Variants in ERMP1 observed in about 807,000 individuals in gnomAD.
ERMP1 encodes the protein Felix-ina.
A neutral mutation model predicts 92.0 loss-of-function variants in ERMP1; 86 were observed. The observed-to-expected ratio is 0.93, with a 90% confidence interval of 0.79 to 1.12. ERMP1 has a LOEUF of 1.12. Ranked by LOEUF, ERMP1 falls within the 50% of genes most tolerant of loss-of-function variation. The probability of loss-of-function intolerance (pLI) is 0.00; values close to 1 mark genes in which losing one functional copy is unlikely to be tolerated. For synonymous variants in ERMP1, 530 were observed against 412.8 expected (o/e 1.28, Z -3.44); for missense variants, 1,342 against 1,116.3 (o/e 1.20, Z -2.88).
At position 5,805,172 on chromosome 9, in the gene ERMP1, A is replaced by C. The variant is rs750893707; in HGVS notation, c.1769T>G (p.Ile590Ser). The C allele has an allele frequency of 6.2e-7, 1 of 1,612,666 alleles. No individual in the cohort carries two copies. Among genetic ancestry groups the C allele is most frequent in the Non-Finnish European group, 8.5e-7 (1 of 1,179,682 alleles). ...GAGGTACAATGCATAAAGATAAGGA[A>C]TAAACATCCCCAAAAGGTAAAAAGC... ...FIAFYLLGMF[I>S]PYLYALYLIW... Residue 590 changes from isoleucine (I) to serine (S), a missense_variant, in exon 10 of 15, where the codon ATT becomes AGT. By Grantham distance (142) the Ile-to-Ser change is moderately radical. Transcript: ENST00000339450.
intron 6 of ERMP1, among the ~76,000 whole-genome samples, chr9:5,842,023 G>A (rs1199354892): frequency 1.3e-5 from 2 of 151,774 alleles, no homozygotes; most frequent in African/African-American, 4.9e-5. Context: ...TAAAGCTGCA[G>A]ACACAGACCT....
intron 6 of ERMP1, among the ~76,000 whole-genome samples, chr9:5,847,688 G>A (rs1197690307): frequency 1.3e-5 from 2 of 152,088 alleles, no homozygotes; most frequent in Non-Finnish European, 2.9e-5. Flanking sequence ...GAGGTCAAGA[G>A]ATCGAGACCA....
intron 11 of ERMP1, among the ~76,000 whole-genome samples, chr9:5,800,213 AGG>A (rs936136996): frequency 2.6e-5 from 4 of 152,232 alleles, no homozygotes; most frequent in Non-Finnish European, 5.9e-5. Context: ...AACATGAGAA[AGG>A]GATGGGTATA....
intron 5 of ERMP1, among the ~76,000 whole-genome samples, chr9:5,866,234 T>C (rs577947093): frequency 3.9e-5 from 6 of 152,350 alleles, no homozygotes; most frequent in East Asian, 1.9e-4. Flanking sequence ...TTTGTAGAAC[T>C]ATTACTAGTT....
At chr9:5,819,862 G>T (rs1319701685) in intron 4 of ERMP1, among the ~76,000 whole-genome samples, 2 of 152,218 alleles carry the variant, frequency 1.3e-5, no homozygotes, top group Non-Finnish European at 2.9e-5. Context: ...GTTGCCTAGG[G>T]ATGGGGGAAA....
chr9:5,801,520 C>T (rs558246616), intron 10 of ERMP1, among the ~76,000 whole-genome samples, 192 bp from the exon 11 acceptor site: 1 of 152,086 alleles, frequency 6.6e-6, no homozygotes, highest in South Asian at 2.1e-4. Flanking sequence ...AGGTGAGAAC[C>T]TAGAAAATGA....
Position 5,785,585 on chromosome 9 carries a change from G to C in ERMP1, c.*1559C>G, listed in dbSNP as rs1827902896. 6.6e-6 allele frequency: 1 copy of C among 152,550 alleles called. No homozygotes were observed. Among genetic ancestry groups the C allele is most frequent in the Non-Finnish European group, 1.5e-5 (1 of 68,058 alleles). The allele number at this position is 152,550 out of a possible 1,614,324, so 9.4% of individuals were successfully genotyped here. A position where few individuals can be genotyped will look rare whatever the true frequency, so the allele number is the denominator to read the frequency against. On this transcript the variant is annotated 3_prime_UTR_variant, in exon 15 of 15. Transcript: ENST00000339450. ...CATGGGCCCAGTTAGTTTTTAGGGA[G>C]TCACAGATTAGGCAGGCAACGAGGG... is the stretch of plus-strand genomic sequence containing the variant.
At chr9:5,789,847 CTT>C (rs35893609) in intron 13 of ERMP1, among the ~76,000 whole-genome samples, 7 of 136,620 alleles carry the variant, frequency 5.1e-5, no homozygotes, top group Non-Finnish European at 3.1e-5. Flanking sequence ...CAAACCTGGC[CTT>C]TTTTTTTTTT....
chr9:5,840,838 G>A (rs1830154652), intron 6 of ERMP1, among the ~76,000 whole-genome samples: 1 of 152,218 alleles, frequency 6.6e-6, no homozygotes, highest in South Asian at 2.1e-4. Flanking sequence ...ACCTTCATTT[G>A]CATGGCATTA....
At chr9:5,865,652 T>C (rs1373766888) in intron 5 of ERMP1, among the ~76,000 whole-genome samples, 1 of 150,216 alleles carries the variant, frequency 6.7e-6, no homozygotes, top group African/African-American at 2.4e-5. Flanking sequence ...GGCCAACAGG[T>C]CTCTACTAAA....
Position 5,806,710 on chromosome 9 carries a change from G to A in ERMP1, c.1549-925C>T, listed in dbSNP as rs532358664. ...CCACCTCAGCCTCCCAAAGCACTGG[G>A]ATTACAGGTGTGAGCCACTGTGCCT... On this transcript the variant is annotated intron_variant, in intron 8 of 14. Coordinates refer to ENST00000339450, the MANE Select transcript of ERMP1 (RefSeq NM_024896.3). Among the ~76,000 whole-genome samples, 7 of 152,254 alleles carry A rather than the reference G, an allele frequency of 4.6e-5. No individual in the cohort carries two copies. The East Asian group carries it at 1.3e-3, about 29-fold the overall frequency.
At chr9:5,856,100 A>T in intron 6 of ERMP1, 1 of 374,602 alleles carries the variant, frequency 2.7e-6, no homozygotes. Context: ...AAGTGTTTCG[A>T]ATGGAATCTT....
chr9:5,832,772 TC>T lies in ERMP1; in HGVS notation c.255del (p.Thr86ArgfsTer34). ...TGCTGCAGCGAGAGCTGCACCAGCGTCCGCAGCGCGATCAGGTAGAGCGCGA... is the reference window on the plus strand; with the variant it reads ...TGCTGCAGCGAGAGCTGCACCAGCGTCGCAGCGCGATCAGGTAGAGCGCGA... The part of the protein sequence containing the change: ...LGLALYLIAL[R>X]TLVQLSLQQL... On this transcript the variant is annotated frameshift_variant, in exon 1 of 15. Coordinates refer to ENST00000339450, the MANE Select transcript of ERMP1 (RefSeq NM_024896.3). LOFTEE classifies it high-confidence loss of function. The T allele has an allele frequency of 6.7e-7, 1 of 1,499,414 alleles. No individual in the cohort carries two copies. Among genetic ancestry groups the T allele is most frequent in the Non-Finnish European group, 8.8e-7 (1 of 1,132,550 alleles). The allele number at this position is 1,499,414 out of a possible 1,614,324, so 92.9% of individuals were successfully genotyped here.
chr9:5,815,414 T>A (rs941169549), intron 4 of ERMP1, among the ~76,000 whole-genome samples: 9 of 148,406 alleles, frequency 6.1e-5, no homozygotes, highest in African/African-American at 2.3e-4. Flanking sequence ...TGGCCTAAAC[T>A]GGGACAATTC....
At chr9:5,819,119 A>C (rs1200513386) in intron 4 of ERMP1, among the ~76,000 whole-genome samples, 1 of 152,260 alleles carries the variant, frequency 6.6e-6, no homozygotes, top group Non-Finnish European at 1.5e-5. Flanking sequence ...TTACACATGA[A>C]TGTTTACTCC....
intron 4 of ERMP1, among the ~76,000 whole-genome samples, chr9:5,821,110 A>C (rs907056604): frequency 9.2e-5 from 14 of 152,274 alleles, no homozygotes; most frequent in African/African-American, 3.4e-4. Flanking sequence ...TGGGGATTTC[A>C]GAACAAGTAA....
At chr9:5,792,869 C>G (rs919276666) in intron 13 of ERMP1, among the ~76,000 whole-genome samples, 2 of 152,046 alleles carry the variant, frequency 1.3e-5, no homozygotes, top group African/African-American at 2.4e-5. Flanking sequence ...ATACAATGCT[C>G]AATTAAAACC....
chr9:5,857,127 TC>T (rs1830384759), intron 6 of ERMP1, among the ~76,000 whole-genome samples: 1 of 152,116 alleles, frequency 6.6e-6, no homozygotes. Context: ...GCTCAAGCCA[TC>T]CTCCCACCTC....
intron 4 of ERMP1, among the ~76,000 whole-genome samples, chr9:5,818,962 T>C (rs1829424695): frequency 1.3e-5 from 2 of 152,250 alleles, no homozygotes; most frequent in Admixed American, 1.3e-4. Context: ...TAAAAATCCT[T>C]ACTGTTATAT....
Sources: gnomAD v4.1 joint callset for allele counts (sites outside exome capture counted in the v4.1 genomes callset) on GRCh38, gnomAD v4.1.1 for gene constraint, MANE v1.5 for transcripts, NCBI Gene and HGNC (gene_info 2026-07-23, HGNC 2026-07-21) for gene names.